PKP1: variants seen among roughly 807,000 people sequenced by gnomAD.
The protein encoded by PKP1 is plakophilin 1, also known as plakophilin-1.
Under a neutral mutation model 76.4 loss-of-function variants are expected in PKP1, and 27 were observed. The ratio of observed to expected loss-of-function variants is 0.35; its 90% confidence interval spans 0.26 to 0.49. The LOEUF is 0.49. Ranked by LOEUF, PKP1 falls within the 20% of genes least tolerant of loss-of-function variation. PKP1 has a pLI of 0.99. For synonymous variants in PKP1, 404 were observed against 384.2 expected (o/e 1.05, Z -0.60); for missense variants, 964 against 955.2 (o/e 1.01, Z -0.12).
chr1:201,323,301 G>A (rs1447444433), intron 9 of PKP1, 112 bp downstream of exon 9: 2 of 996,470 alleles, frequency 2.0e-6, no homozygotes, highest in Admixed American at 1.9e-5. Context: ...AGCCTCCCAT[G>A]AGCAGAGTGT....
intron 12 of PKP1, among the ~76,000 whole-genome samples, chr1:201,326,655 G>C (rs986011848): frequency 2.6e-5 from 4 of 152,250 alleles, no homozygotes; most frequent in Non-Finnish European, 4.4e-5. Flanking sequence ...CCAATTTGGA[G>C]AGGTTGAGTT....
rs1191904293 is a variant in PKP1, at chr1:201,331,858, C to T, written c.*1817C>T. The T allele has an allele frequency of 2.6e-5, 4 of 152,380 alleles. No individual in the cohort carries two copies. The highest frequency in any genetic ancestry group is 9.6e-5 in the African/African-American group (4 of 41,466). The allele number at this position is 152,380 out of a possible 1,614,324, so 9.4% of individuals were successfully genotyped here. On this transcript the variant is annotated 3_prime_UTR_variant, in exon 14 of 14. Coordinates refer to ENST00000367324, the MANE Select transcript of PKP1 (RefSeq NM_001005337.3). ...CACTGGGAGGCCCACTCCTGGCTCACCTCTCCCTCTCAGGGACCCACGTGG... is the reference window on the plus strand; with the variant it reads ...CACTGGGAGGCCCACTCCTGGCTCATCTCTCCCTCTCAGGGACCCACGTGG...
chr1:201,320,618 C>G (rs1656911299), intron 7 of PKP1, among the ~76,000 whole-genome samples: 1 of 152,244 alleles, frequency 6.6e-6, no homozygotes, highest in South Asian at 2.1e-4. Flanking sequence ...TCCCTAATCT[C>G]TCTGTTTCCC....
At chr1:201,302,401 T>A (rs1330393481) in intron 2 of PKP1, among the ~76,000 whole-genome samples, 1 of 152,190 alleles carries the variant, frequency 6.6e-6, no homozygotes, top group Admixed American at 6.5e-5. Context: ...AAGCCTCTCC[T>A]GCTGGCCAAG....
At chr1:201,328,018 C>T (rs909849985) in intron 12 of PKP1, among the ~76,000 whole-genome samples, 22 of 152,318 alleles carry the variant, frequency 1.4e-4, no homozygotes, top group South Asian at 4.1e-4. Context: ...GCTGCTGTTT[C>T]GGATCCCCTA....
intron 2 of PKP1, among the ~76,000 whole-genome samples, chr1:201,300,431 C>T (rs143712745): frequency 3.9e-5 from 6 of 152,324 alleles, no homozygotes; most frequent in East Asian, 1.9e-4. Flanking sequence ...GGGCTGAGCT[C>T]GGGGAGCTTC....
rs10800772 is a variant in PKP1 at position 201,331,730 on chromosome 1, C to A, written c.*1689C>A. The stretch of plus-strand genomic sequence containing the variant: ...TCAGTATGATAACTGAGATGGGGGA[C>A]GCCAGACATGTGAGGACGCTGTCCT... On this transcript the variant is annotated 3_prime_UTR_variant, in exon 14 of 14. Coordinates refer to ENST00000367324, the MANE Select transcript of PKP1 (RefSeq NM_001005337.3). 144,861 of 152,330 alleles carry A rather than the reference C, an allele frequency of 0.95. 69,250 individuals are homozygous for A. The highest frequency in any genetic ancestry group is 1 in the East Asian group (5,154 of 5,154). The allele number at this position is 152,330 out of a possible 1,614,324, so 9.4% of individuals were successfully genotyped here.
chr1:201,291,270 T>C lies in PKP1; in HGVS notation c.203-2672T>C, dbSNP rs1655909503. Among the ~76,000 whole-genome samples, 5 of 152,276 alleles carry C rather than the reference T, an allele frequency of 3.3e-5. 1 individual carries two copies. The South Asian group carries it at 1.0e-3, about 32-fold the overall frequency. ...CCAACTACAGATAGGTCTTAGGAGA[T>C]GCCTTCAGGAACTGCCTGGAAGGGC... On this transcript the variant is annotated intron_variant, in intron 1 of 13. Coordinates refer to ENST00000367324, the MANE Select transcript of PKP1 (RefSeq NM_001005337.3).
At chr1:201,297,307 G>A (rs1318899) in intron 2 of PKP1, among the ~76,000 whole-genome samples, 74,754 of 151,828 alleles carry the variant, frequency 0.49, 22,323 homozygotes, top group East Asian at 0.72. Flanking sequence ...TCCTCCTTCA[G>A]GCAGAAGGAT....
At chr1:201,296,556 G>A (rs1212443486) in intron 2 of PKP1, among the ~76,000 whole-genome samples, 5 of 152,302 alleles carry the variant, frequency 3.3e-5, no homozygotes, top group African/African-American at 1.2e-4. Flanking sequence ...ATATTCACTC[G>A]GTCAGCCAAC....
chr1:201,325,554 AG>A (rs1282090781), intron 11 of PKP1, among the ~76,000 whole-genome samples, 199 bp from the exon 12 acceptor site: 1 of 151,936 alleles, frequency 6.6e-6, no homozygotes, highest in Non-Finnish European at 1.5e-5. Flanking sequence ...CTAGGTGGGC[AG>A]GGGCATGGGG....
At chr1:201,328,442 C>G (rs1174407080) in intron 12 of PKP1, 1 of 409,510 alleles carries the variant, frequency 2.4e-6, no homozygotes, top group Non-Finnish European at 4.6e-6. Flanking sequence ...GACAGCTTCT[C>G]TAATCTGATT....
chr1:201,285,166 G>C (rs576869411), intron 1 of PKP1, among the ~76,000 whole-genome samples: 2 of 151,718 alleles, frequency 1.3e-5, no homozygotes, highest in African/African-American at 2.4e-5. Context: ...GAGAGTGAGG[G>C]GCAGGGGGTA....
chr1:201,287,225 C>A (rs1655767494), intron 1 of PKP1, among the ~76,000 whole-genome samples: 1 of 152,172 alleles, frequency 6.6e-6, no homozygotes, highest in Admixed American at 6.5e-5. Flanking sequence ...GGGCTGGAGG[C>A]AACATTGAGC....
At chr1:201,316,843 G>T in intron 4 of PKP1, 146 bp downstream of exon 4, 2 of 814,004 alleles carry the variant, frequency 2.5e-6, no homozygotes, top group Non-Finnish European at 4.0e-6. Context: ...CATTGCCCAA[G>T]GTTAGAGCTG....
rs373301782 is a variant in PKP1 at position 201,317,792 on chromosome 1, G to A, written c.1054+13G>A. On this transcript the variant is annotated intron_variant, in intron 5 of 13. Transcript: ENST00000367324. ...AAGCAGCTGACTGGTAGGACAACAC[G>A]GCCACCGAGAGCCAGCCTGAGGGCT... 6.8e-6 allele frequency: 11 copies of A among 1,610,760 alleles called. No individual in the cohort carries two copies. Among genetic ancestry groups the A allele is most frequent in the Middle Eastern group, 1.9e-4 (1 of 5,340 alleles).
intron 1 of PKP1, among the ~76,000 whole-genome samples, chr1:201,287,321 C>T (rs1157586866): frequency 6.6e-6 from 1 of 152,158 alleles, no homozygotes; most frequent in Non-Finnish European, 1.5e-5. Flanking sequence ...GTACGAACTC[C>T]GCAGCCTGCA....
intron 2 of PKP1, among the ~76,000 whole-genome samples, chr1:201,305,737 G>A (rs1388477608): frequency 1.3e-5 from 2 of 152,130 alleles, no homozygotes; most frequent in Admixed American, 1.3e-4. Flanking sequence ...GTATAGGGTG[G>A]GGGGCATCTG....
chr1:201,300,449 G>A (rs1325914856), intron 2 of PKP1, among the ~76,000 whole-genome samples: 1 of 152,188 alleles, frequency 6.6e-6, no homozygotes, highest in Admixed American at 6.5e-5. Flanking sequence ...TTCCTTTCTG[G>A]GCTTGCTCTC....
Sources: allele counts gnomAD v4.1 joint callset (sites outside exome capture counted in the v4.1 genomes callset), GRCh38; gene constraint gnomAD v4.1.1; transcripts MANE v1.5; gene names NCBI Gene and HGNC (gene_info 2026-07-23, HGNC 2026-07-21).